The following NRXN3 variants were observed in gnomAD, a reference collection of about 807,000 sequenced individuals.
The protein encoded by NRXN3 is neurexin 3.
A neutral mutation model predicts 137.6 loss-of-function variants in NRXN3; 32 were observed. That is an observed-to-expected ratio of 0.23 (90% CI 0.18 to 0.31). NRXN3 has a LOEUF of 0.31. Among genes scored for constraint, NRXN3 ranks in the 10% least tolerant of loss-of-function variants. The probability of loss-of-function intolerance (pLI) is 1.00; values close to 1 mark genes in which losing one functional copy is unlikely to be tolerated. For missense variants in NRXN3, 1,574 were observed against 2,062.5 expected (o/e 0.76, Z 4.59); for synonymous variants, 798 against 784.5 (o/e 1.02, Z -0.29).
intron 10 of NRXN3, among the ~76,000 whole-genome samples, chr14:78,850,182 GAGAA>G (rs1356488839): frequency 6.6e-6 from 1 of 151,982 alleles, no homozygotes; most frequent in Non-Finnish European, 1.5e-5. Context: ...GAAAGAGAAA[GAGAA>G]AGAGAGAGGC....
intron 10 of NRXN3, among the ~76,000 whole-genome samples, chr14:78,943,610 TAAAAAA>T (rs754141401): frequency 0.012 from 357 of 28,666 alleles, 7 homozygotes; most frequent in Middle Eastern, 0.038. Context: ...AGATCACTGT[TAAAAAA>T]AAAAAATATA....
At chr14:79,751,967 G>T (rs926495830) in intron 19 of NRXN3, among the ~76,000 whole-genome samples, 5 of 152,202 alleles carry the variant, frequency 3.3e-5, no homozygotes, top group African/African-American at 9.6e-5. Flanking sequence ...TGCTGGATTC[G>T]GTTTGCCAGT....
chr14:79,153,563 A>C (rs185916010), intron 15 of NRXN3, among the ~76,000 whole-genome samples: 2 of 151,994 alleles, frequency 1.3e-5, no homozygotes, highest in East Asian at 3.9e-4. Flanking sequence ...GATATATCTC[A>C]ATCACCTTTA....
chr14:78,984,078 A>G (rs1274410645), intron 14 of NRXN3, among the ~76,000 whole-genome samples: 1 of 152,096 alleles, frequency 6.6e-6, no homozygotes, highest in Non-Finnish European at 1.5e-5. Context: ...GGATGGATGG[A>G]AAAATAAGAG....
chr14:78,281,289 C>A (rs1218663561), intron 3 of NRXN3, among the ~76,000 whole-genome samples: 1 of 152,216 alleles, frequency 6.6e-6, no homozygotes, highest in Non-Finnish European at 1.5e-5. Context: ...AAGAAGCCTT[C>A]AGCAGTTCTC....
intron 6 of NRXN3, among the ~76,000 whole-genome samples, chr14:78,656,867 C>A (rs2097788543): frequency 6.6e-6 from 1 of 151,806 alleles, no homozygotes; most frequent in Non-Finnish European, 1.5e-5. Context: ...CACGGTGAAA[C>A]CCCATCTCTA....
chr14:78,370,553 T>C (rs2086659278), intron 4 of NRXN3, among the ~76,000 whole-genome samples: 1 of 152,234 alleles, frequency 6.6e-6, no homozygotes, highest in Non-Finnish European at 1.5e-5. Flanking sequence ...TCTAAATCTT[T>C]CCTAGTACAC....
At chr14:79,241,519 A>T (rs942302671) in intron 15 of NRXN3, among the ~76,000 whole-genome samples, 1 of 152,096 alleles carries the variant, frequency 6.6e-6, no homozygotes, top group African/African-American at 2.4e-5. Flanking sequence ...ATCTCATGAG[A>T]TTTATTCACT....
At chr14:79,476,105 G>A (rs2096557406) in intron 16 of NRXN3, among the ~76,000 whole-genome samples, 1 of 152,024 alleles carries the variant, frequency 6.6e-6, no homozygotes, top group Non-Finnish European at 1.5e-5. Flanking sequence ...GTGCAACAGG[G>A]CAAGAAATAA....
At chr14:78,996,165 T>G (rs942899502) in intron 15 of NRXN3, among the ~76,000 whole-genome samples, 1 of 152,178 alleles carries the variant, frequency 6.6e-6, no homozygotes, top group Non-Finnish European at 1.5e-5. Context: ...TTCATTTTTC[T>G]TTTTTACCTT....
At chr14:79,369,654 A>T (rs1447943260) in intron 15 of NRXN3, among the ~76,000 whole-genome samples, 1 of 152,184 alleles carries the variant, frequency 6.6e-6, no homozygotes, top group Non-Finnish European at 1.5e-5. Flanking sequence ...TGGTAAAATC[A>T]TGGACAGATG....
At chr14:78,438,882 G>A (rs1291049453) in intron 4 of NRXN3, among the ~76,000 whole-genome samples, 1 of 152,128 alleles carries the variant, frequency 6.6e-6, no homozygotes, top group Non-Finnish European at 1.5e-5. Flanking sequence ...AAGAGCTCAA[G>A]CTGAAGCCTG....
intron 9 of NRXN3, among the ~76,000 whole-genome samples, chr14:78,806,532 C>T (rs550479994): frequency 1.1e-3 from 173 of 152,294 alleles, no homozygotes; most frequent in Non-Finnish European, 2.2e-3. Context: ...AGCCCATGCA[C>T]TAACAATATT....
At chr14:79,604,659 A>G (rs1417523338) in intron 16 of NRXN3, among the ~76,000 whole-genome samples, 1 of 152,174 alleles carries the variant, frequency 6.6e-6, no homozygotes, top group Non-Finnish European at 1.5e-5. Context: ...ACCAAATGCC[A>G]TTTTGTATAA....
intron 16 of NRXN3, among the ~76,000 whole-genome samples, chr14:79,612,883 A>T (rs2098119117): frequency 6.6e-6 from 1 of 152,228 alleles, no homozygotes; most frequent in African/African-American, 2.4e-5. Flanking sequence ...ATAAAATGCT[A>T]AAATGAACCA....
intron 4 of NRXN3, among the ~76,000 whole-genome samples, chr14:78,434,925 G>A (rs1439021152): frequency 6.6e-6 from 1 of 152,182 alleles, no homozygotes; most frequent in Admixed American, 6.5e-5. Context: ...CAAGAGACCT[G>A]AGCTTGCTAG....
chr14:78,256,091 G>A (rs565336396), intron 2 of NRXN3, among the ~76,000 whole-genome samples: 1 of 151,338 alleles, frequency 6.6e-6, no homozygotes, highest in East Asian at 1.9e-4. Context: ...TTTTTTTTTG[G>A]TTTGTTTACA....
chr14:78,388,057 G>T (rs2090231036), intron 4 of NRXN3, among the ~76,000 whole-genome samples: 1 of 152,270 alleles, frequency 6.6e-6, no homozygotes. Flanking sequence ...GATCTTTAAT[G>T]AGTGCCTAAT....
At chr14:78,370,793 G>T (rs2086691112) in intron 4 of NRXN3, among the ~76,000 whole-genome samples, 1 of 152,204 alleles carries the variant, frequency 6.6e-6, no homozygotes, top group Non-Finnish European at 1.5e-5. Flanking sequence ...GGATGTCTAA[G>T]ATTGAACTTC....
Sources: allele counts gnomAD v4.1 joint callset (sites outside exome capture counted in the v4.1 genomes callset), GRCh38; gene constraint gnomAD v4.1.1; transcripts MANE v1.5; gene names NCBI Gene and HGNC (gene_info 2026-07-23, HGNC 2026-07-21).